FKTN: variants seen among roughly 807,000 people sequenced by gnomAD.
FKTN encodes the protein ribitol-5-phosphate transferase FKTN.
FKTN carries 47 observed loss-of-function variants against 58.6 expected under a neutral mutation model. That is an observed-to-expected ratio of 0.80 (90% CI 0.63 to 1.02). The LOEUF is 1.02. FKTN is among the 50% of genes least tolerant of loss of function. The pLI is 0.00. For synonymous variants in FKTN, 178 were observed against 191.9 expected, an observed-to-expected ratio of 0.93 and a Z score of 0.60; for missense variants, 516 against 537.3, an observed-to-expected ratio of 0.96 and a Z score of 0.39.
intron 7 of FKTN, among the ~76,000 whole-genome samples, chr9:105,609,999 T>C (rs1829616142): frequency 6.6e-6 from 1 of 152,236 alleles, no homozygotes; most frequent in African/African-American, 2.4e-5. Flanking sequence ...CATGGTTTCC[T>C]ATTTTACCCT....
chr9:105,633,609 T>G (rs1833739876), intron 10 of FKTN: 1 of 152,250 alleles, frequency 6.6e-6, no homozygotes, highest in Non-Finnish European at 1.5e-5. Context: ...ATGGTGGGGC[T>G]AAGCTGTATC....
rs373633181 is a variant in FKTN, at chr9:105,631,134, C to T, written c.1173-3917C>T. On this transcript the variant is annotated intron_variant, in intron 10 of 10. Coordinates refer to ENST00000357998, the MANE Select transcript of FKTN (RefSeq NM_001079802.2). ...GGTGACAAAGCGAGACTGTCTCAAA[C>T]AAACAAACAAAAAAATCTGAAATTT... 1.1e-4 allele frequency among the ~76,000 whole-genome samples: 16 copies of T among 151,996 alleles called. No individual in the cohort carries two copies. In the East Asian group the frequency reaches 1.2e-3, roughly 11 times the overall value.
intron 7 of FKTN, 105 bp from the exon 8 acceptor site, chr9:105,615,173 T>A: frequency 7.9e-7 from 1 of 1,270,324 alleles, no homozygotes; most frequent in Non-Finnish European, 1.1e-6. Flanking sequence ...CGTGAGCCAC[T>A]GTGCCCAGCC....
intron 3 of FKTN, among the ~76,000 whole-genome samples, chr9:105,589,225 C>T (rs1217807360): frequency 1.3e-5 from 2 of 152,152 alleles, no homozygotes; most frequent in Non-Finnish European, 2.9e-5. Flanking sequence ...CGGCTGGGCA[C>T]AGTGGCTTAT....
At chr9:105,579,569 G>A (rs1377906501) in intron 3 of FKTN, among the ~76,000 whole-genome samples, 1 of 151,154 alleles carries the variant, frequency 6.6e-6, no homozygotes, top group Non-Finnish European at 1.5e-5. Context: ...ATTTGCTGAG[G>A]AGAGCTTTAC....
At position 105,621,551 on chromosome 9, in the gene FKTN, G is replaced by A. The variant is rs187339271; in HGVS notation, c.1172+1490G>A. Among the ~76,000 whole-genome samples, 40 of 151,900 alleles carry A rather than the reference G, an allele frequency of 2.6e-4. No homozygotes were observed. In the East Asian group the frequency reaches 6.0e-3, roughly 23 times the overall value. On this transcript the variant is annotated intron_variant, in intron 10 of 10. Transcript: ENST00000357998. ...TCCATCCTCTGCCCCTCATTTTCCC[G>A]TTTCTAGTTGCCCTTTACAGAGATA...
rs1830603908 is a variant in FKTN, at chr9:105,615,215, C to T, written c.781-63C>T. The T allele has an allele frequency of 2.6e-6, 4 of 1,559,204 alleles. No individual in the cohort carries two copies. The South Asian group carries it at 4.5e-5, about 17-fold the overall frequency. ...TAATTTTCAAATTTAATTCAGATGC[C>T]ACAGAAAGGTTCCTAGCAATTTAGA... On this transcript the variant is annotated intron_variant, in intron 7 of 10. Coordinates refer to ENST00000357998, the MANE Select transcript of FKTN (RefSeq NM_001079802.2).
At position 105,617,974 on chromosome 9, in the gene FKTN, G is replaced by A; in HGVS notation, c.926G>A (p.Cys309Tyr). 1.9e-6 allele frequency: 3 copies of A among 1,589,056 alleles called. No individual in the cohort carries two copies. The highest frequency in any genetic ancestry group is 1.1e-5 in the South Asian group (1 of 90,384). The change falls in exon 9 of 11, where the codon TGC becomes TAC. Residue 309 changes from cysteine (C) to tyrosine (Y), a missense_variant. Transcript: ENST00000357998. Reference sequence around the variant, plus strand: ...TTCTTTTTAGGATGGTATCGACAATGCAACATTATTCCTTATAGCAAAGAT... The same window carrying A: ...TTCTTTTTAGGATGGTATCGACAATACAACATTATTCCTTATAGCAAAGAT... The part of the protein sequence containing the change: ...SGTCLGWYRQ[C>Y]NIIPYSKDVD...
intron 3 of FKTN, among the ~76,000 whole-genome samples, chr9:105,583,095 C>G (rs942377666): frequency 6.6e-6 from 1 of 152,130 alleles, no homozygotes. Flanking sequence ...TGTTATTTAG[C>G]TTTTCTAGCC....
At chr9:105,618,453 A>T (rs1831222241) in intron 9 of FKTN, among the ~76,000 whole-genome samples, 1 of 152,202 alleles carries the variant, frequency 6.6e-6, no homozygotes, top group Non-Finnish European at 1.5e-5. Context: ...ATTAATAAGT[A>T]AGAATCCCAC....
At chr9:105,573,844 C>G (rs965786674) in intron 2 of FKTN, 98 bp downstream of exon 2, 2 of 152,164 alleles carry the variant, frequency 1.3e-5, no homozygotes, top group African/African-American at 4.8e-5. Flanking sequence ...ATATTTAGCA[C>G]TACAGGACAA....
At chr9:105,612,452 T>G (rs1409900231) in intron 7 of FKTN, among the ~76,000 whole-genome samples, 1 of 152,044 alleles carries the variant, frequency 6.6e-6, no homozygotes, top group Non-Finnish European at 1.5e-5. Flanking sequence ...CTTCATGAAA[T>G]TTTTGCCTGT....
Position 105,581,866 on chromosome 9 carries a change from G to A in FKTN, c.105+6729G>A, listed in dbSNP as rs953202908. Among the ~76,000 whole-genome samples, 10 of 152,298 alleles carry A rather than the reference G, an allele frequency of 6.6e-5. No individual in the cohort carries two copies. In the East Asian group the frequency reaches 7.7e-4, roughly 12 times the overall value. ...CGAGCCAGGTGTGGGATATAGTCTC[G>A]TGGTGCACTGTTTTTTAAGCCGGTC... On this transcript the variant is annotated intron_variant, in intron 3 of 10. Coordinates refer to ENST00000357998, the MANE Select transcript of FKTN (RefSeq NM_001079802.2).
Position 105,637,906 on chromosome 9 carries a change from G to A in FKTN, c.*2642G>A, listed in dbSNP as rs1189572378. 1.0e-6 allele frequency: 1 copy of A among 985,332 alleles called. No homozygotes were observed. Among genetic ancestry groups the A allele is most frequent in the Non-Finnish European group, 1.2e-6 (1 of 829,892 alleles). The allele number at this position is 985,332 out of a possible 1,614,324, so 61.0% of individuals were successfully genotyped here. A position where few individuals can be genotyped will look rare whatever the true frequency, so the allele number is the denominator to read the frequency against. ...TTCCTAAAATTGAGCATCCCTAAGA[G>A]TAGCTGCTTGGTGGGACAGCTGATT... On this transcript the variant is annotated 3_prime_UTR_variant, in exon 11 of 11. Coordinates refer to ENST00000357998, the MANE Select transcript of FKTN (RefSeq NM_001079802.2).
rs145135714 is a variant in FKTN at position 105,559,755 on chromosome 9, T to C, written c.-181+1590T>C. On this transcript the variant is annotated intron_variant, in intron 1 of 10. Transcript: ENST00000357998. Reference sequence around the variant, plus strand: ...GGTGCAGGAAATAGAGTTGAAAATATAGGCAGATAGAGTGCATGGACTGTA... The same window carrying C: ...GGTGCAGGAAATAGAGTTGAAAATACAGGCAGATAGAGTGCATGGACTGTA... 5.9e-4 allele frequency among the ~76,000 whole-genome samples: 90 copies of C among 152,200 alleles called. 1 individual carries two copies. The highest frequency in any genetic ancestry group is 2.0e-3 in the African/African-American group (82 of 41,518).
chr9:105,561,763 G>T (rs1838342776), intron 1 of FKTN, among the ~76,000 whole-genome samples: 1 of 152,192 alleles, frequency 6.6e-6, no homozygotes, highest in Non-Finnish European at 1.5e-5. Flanking sequence ...TTAACCCTTT[G>T]CAGTCTAATG....
chr9:105,602,475 A>C (rs1207928851), intron 5 of FKTN, among the ~76,000 whole-genome samples: 1 of 152,216 alleles, frequency 6.6e-6, no homozygotes, highest in Non-Finnish European at 1.5e-5. Context: ...GAAGAAGCAA[A>C]AGCTCAGCCA....
At position 105,591,681 on chromosome 9, in the gene FKTN, G is replaced by A. The variant is rs532510551; in HGVS notation, c.106-4917G>A. On this transcript the variant is annotated intron_variant, in intron 3 of 10. Transcript: ENST00000357998. The stretch of plus-strand genomic sequence containing the variant: ...TGGATCTACCACTTTGGGGTCTGGA[G>A]GACTGTGGCCCTCTTCTCACAGCTC... Among the ~76,000 whole-genome samples, 5 of 152,222 alleles carry A rather than the reference G, an allele frequency of 3.3e-5. No individual in the cohort carries two copies. In the South Asian group the frequency reaches 8.3e-4, roughly 25 times the overall value.
At chr9:105,579,768 T>A (rs978025656) in intron 3 of FKTN, among the ~76,000 whole-genome samples, 1 of 148,310 alleles carries the variant, frequency 6.7e-6, no homozygotes, top group African/African-American at 2.5e-5. Context: ...CAGTGGGGTG[T>A]TAAAGTCTCC....
Sources: gnomAD v4.1 joint callset for allele counts (sites outside exome capture counted in the v4.1 genomes callset) on GRCh38, gnomAD v4.1.1 for gene constraint, MANE v1.5 for transcripts, NCBI Gene and HGNC (gene_info 2026-07-23, HGNC 2026-07-21) for gene names.